RASAL2: variants seen among roughly 807,000 people sequenced by gnomAD.
RASAL2 encodes RAS protein activator like 2.
RASAL2 carries 58 observed loss-of-function variants against 128.9 expected under a neutral mutation model. The ratio of observed to expected loss-of-function variants is 0.45; its 90% confidence interval spans 0.36 to 0.56. RASAL2 has a LOEUF of 0.56. RASAL2 is among the 20% of genes least tolerant of loss of function. The pLI is 0.00. For missense variants in RASAL2, 1,360 were observed against 1,601.6 expected, an observed-to-expected ratio of 0.85 and a Z score of 2.57; for synonymous variants, 561 against 580.8, an observed-to-expected ratio of 0.97 and a Z score of 0.49.
chr1:178,254,333 G>A (rs766197288), intron 1 of RASAL2, among the ~76,000 whole-genome samples: 3 of 151,990 alleles, frequency 2.0e-5, no homozygotes, highest in African/African-American at 4.8e-5. Context: ...TATTTTGTAC[G>A]TTTCATATAT....
intron 4 of RASAL2, among the ~76,000 whole-genome samples, chr1:178,402,479 A>G (rs1673701487): frequency 5.3e-5 from 8 of 152,190 alleles, no homozygotes; most frequent in Admixed American, 5.2e-4. Context: ...CAAATTTACA[A>G]TGGAAAAACT....
chr1:178,438,929 GTGTT>G (rs1208177691), intron 5 of RASAL2, among the ~76,000 whole-genome samples: 5 of 138,908 alleles, frequency 3.6e-5, no homozygotes, highest in Middle Eastern at 7.9e-3. Context: ...GTGTGTGTGT[GTGTT>G]TTGCCAAAGT....
intron 1 of RASAL2, among the ~76,000 whole-genome samples, chr1:178,170,805 G>C (rs1294512243): frequency 6.6e-6 from 1 of 151,712 alleles, no homozygotes; most frequent in African/African-American, 2.4e-5. Flanking sequence ...TCACACACAT[G>C]AGGCACATAC....
intron 1 of RASAL2, among the ~76,000 whole-genome samples, chr1:178,110,506 T>G (rs1659258428): frequency 6.8e-6 from 1 of 147,884 alleles, no homozygotes; most frequent in African/African-American, 2.5e-5. Context: ...ATAGTATATA[T>G]AGCATATATA....
chr1:178,310,987 C>T (rs1023178321), intron 3 of RASAL2, among the ~76,000 whole-genome samples: 1 of 152,028 alleles, frequency 6.6e-6, no homozygotes, highest in Non-Finnish European at 1.5e-5. Flanking sequence ...AAATGTGATA[C>T]CCACACTAGA....
chr1:178,115,686 G>A (rs1659499438), intron 1 of RASAL2, among the ~76,000 whole-genome samples: 2 of 152,124 alleles, frequency 1.3e-5, no homozygotes, highest in South Asian at 4.1e-4. Context: ...GTGATGCCTG[G>A]TATCTTTATT....
intron 2 of RASAL2, among the ~76,000 whole-genome samples, chr1:178,289,247 A>G (rs920410380): frequency 3.3e-5 from 5 of 151,966 alleles, no homozygotes; most frequent in African/African-American, 1.2e-4. Context: ...TTCTTCTCCT[A>G]AGGTCACTTT....
At chr1:178,160,084 T>G (rs1661226245) in intron 1 of RASAL2, among the ~76,000 whole-genome samples, 2 of 151,816 alleles carry the variant, frequency 1.3e-5, no homozygotes, top group Admixed American at 6.6e-5. Context: ...AGTTCTAGGG[T>G]ACATGTGCAC....
Position 178,416,976 on chromosome 1 carries a change from T to G in RASAL2, c.565-3535T>G, listed in dbSNP as rs149264782. 4.3e-5 allele frequency among the ~76,000 whole-genome samples: 6 copies of G among 139,852 alleles called. No homozygotes were observed. The East Asian group carries it at 9.9e-4, about 23-fold the overall frequency. 91.7% of individuals were successfully genotyped at this position (139,852 alleles called of 152,430 possible). A position where few individuals can be genotyped will look rare whatever the true frequency, so the allele number is the denominator to read the frequency against. ...TTGGGGGTTGGGATTTTTTTTCTTT[T>G]AGGGTTTTTTTTTTTGGCATTTATG... On this transcript the variant is annotated intron_variant, in intron 4 of 17. Transcript: ENST00000367649.
intron 1 of RASAL2, among the ~76,000 whole-genome samples, chr1:178,250,033 CG>C (rs1664966372): frequency 1.3e-5 from 2 of 152,286 alleles, no homozygotes; most frequent in African/African-American, 4.8e-5. Context: ...GGAGGCTTGG[CG>C]GTCAGGGACC....
rs192590252 is a variant in RASAL2, at chr1:178,223,275, C to T, written c.203-60289C>T. Among the ~76,000 whole-genome samples, 31 of 152,216 alleles carry T rather than the reference C, an allele frequency of 2.0e-4. No individual in the cohort carries two copies. The South Asian group carries it at 3.5e-3, about 17-fold the overall frequency. On this transcript the variant is annotated intron_variant, in intron 1 of 17. Transcript: ENST00000367649. ...TTCACGAGGAAATATACAATTACAA[C>T]GCCACAGCTGTGATGGAGAGATGCA...
At chr1:178,208,732 G>A (rs1663149053) in intron 1 of RASAL2, among the ~76,000 whole-genome samples, 1 of 151,978 alleles carries the variant, frequency 6.6e-6, no homozygotes, top group African/African-American at 2.4e-5. Context: ...TGTGATCTTT[G>A]TACCTACTCT....
intron 1 of RASAL2, among the ~76,000 whole-genome samples, chr1:178,097,089 A>C (rs1336826237): frequency 6.6e-6 from 1 of 152,242 alleles, no homozygotes; most frequent in Non-Finnish European, 1.5e-5. Flanking sequence ...CTCACAATTT[A>C]AAGAGACTTT....
intron 3 of RASAL2, among the ~76,000 whole-genome samples, chr1:178,353,448 CT>C (rs932356514): frequency 1.3e-5 from 2 of 152,164 alleles, no homozygotes; most frequent in African/African-American, 4.8e-5. Context: ...CAATAAGTTC[CT>C]CATCTCCATC....
At chr1:178,348,987 G>A (rs1670303864) in intron 3 of RASAL2, among the ~76,000 whole-genome samples, 2 of 151,044 alleles carry the variant, frequency 1.3e-5, no homozygotes, top group South Asian at 2.1e-4. Flanking sequence ...TTTTAGTGGA[G>A]ACGGGCTTTC....
chr1:178,135,859 C>A (rs1473432194), intron 1 of RASAL2, among the ~76,000 whole-genome samples: 1 of 152,134 alleles, frequency 6.6e-6, no homozygotes, highest in Non-Finnish European at 1.5e-5. Flanking sequence ...CCTGATAAAA[C>A]CATCAGGTCT....
At chr1:178,387,516 C>G (rs1245716872) in intron 3 of RASAL2, among the ~76,000 whole-genome samples, 1 of 151,968 alleles carries the variant, frequency 6.6e-6, no homozygotes, top group Non-Finnish European at 1.5e-5. Context: ...TAATGTTATC[C>G]TTCCCCCCTC....
chr1:178,123,539 A>G (rs1659787700), intron 1 of RASAL2, among the ~76,000 whole-genome samples: 1 of 152,218 alleles, frequency 6.6e-6, no homozygotes, highest in Non-Finnish European at 1.5e-5. Context: ...TAGATAAGCT[A>G]CATGTTCAAA....
intron 1 of RASAL2, among the ~76,000 whole-genome samples, chr1:178,243,475 ATC>A (rs1008088167): frequency 3.3e-5 from 5 of 152,028 alleles, no homozygotes; most frequent in South Asian, 4.2e-4. Flanking sequence ...GGCTACCTGA[ATC>A]TCTCACTGGG....
Sources: allele counts gnomAD v4.1 joint callset (sites outside exome capture counted in the v4.1 genomes callset), GRCh38; gene constraint gnomAD v4.1.1; transcripts MANE v1.5; gene names NCBI Gene and HGNC (gene_info 2026-07-23, HGNC 2026-07-21).